Variants in GLIS3 observed in about 807,000 individuals in gnomAD.
The protein encoded by GLIS3 is GLIS family zinc finger 3, also known as zinc finger protein GLIS3.
Under a neutral mutation model 78.6 loss-of-function variants are expected in GLIS3, and 53 were observed. That is an observed-to-expected ratio of 0.67 (90% CI 0.54 to 0.85). GLIS3 has a LOEUF of 0.85. GLIS3 is among the 40% of genes least tolerant of loss of function. The pLI, the probability that GLIS3 is intolerant of heterozygous loss-of-function variation, is 0.00. For missense variants in GLIS3, 1,703 were observed against 1,231.1 expected (o/e 1.38, Z -5.74); for synonymous variants, 684 against 509.9 (o/e 1.34, Z -4.60).
the GLIS3 span, among the ~76,000 whole-genome samples, chr9:4,474,887 A>G: frequency 6.6e-6 from 1 of 151,584 alleles, no homozygotes; most frequent in Admixed American, 6.6e-5. Context: ...GTTTTTACAG[A>G]GACGGGGGCT....
chr9:3,898,319 T>C (rs1823015861), intron 7 of GLIS3: 4 of 310,554 alleles, frequency 1.3e-5, no homozygotes, highest in East Asian at 1.6e-4. Context: ...AACATAAAGA[T>C]GACAACAACT....
chr9:4,272,018 C>A (rs1270751053), intron 2 of GLIS3, among the ~76,000 whole-genome samples: 1 of 152,158 alleles, frequency 6.6e-6, no homozygotes, highest in Non-Finnish European at 1.5e-5. Context: ...GAGCTCCAGG[C>A]CATCACAGAA....
the GLIS3 span, among the ~76,000 whole-genome samples, chr9:4,387,169 AAAAC>A: frequency 1.3e-5 from 2 of 152,208 alleles, no homozygotes. Flanking sequence ...CAGCAGGAAA[AAAAC>A]AAAACCTGGA....
At chr9:4,240,799 C>G (rs981909850) in intron 2 of GLIS3, among the ~76,000 whole-genome samples, 1 of 152,028 alleles carries the variant, frequency 6.6e-6, no homozygotes. Flanking sequence ...ACAACAAACC[C>G]TCATGATATA....
Position 3,829,342 on chromosome 9 carries a change from T to C in GLIS3, c.2624A>G (p.His875Arg). The change falls in exon 10 of 11, where the codon CAC becomes CGC. Residue 875 changes from histidine to arginine, a missense_variant. Physicochemically the swap from His to Arg is conservative, Grantham distance 29 (BLOSUM62 0). Transcript: ENST00000381971. ...GCCCGAGTGAGTCGAGAAGGCTCTG[T>C]GGAAAACATCAAAACTGGCCTGGCC... The part of the protein sequence containing the change: ...SMGQASFDVF[H>R]RAFSTHSGIT... 6.2e-7 allele frequency: 1 copy of C among 1,614,010 alleles called. No individual in the cohort carries two copies. The highest frequency in any genetic ancestry group is 8.5e-7 in the Non-Finnish European group (1 of 1,179,974).
At chr9:3,984,144 A>C (rs577693435) in intron 4 of GLIS3, among the ~76,000 whole-genome samples, 2 of 152,288 alleles carry the variant, frequency 1.3e-5, no homozygotes, top group South Asian at 4.1e-4. Flanking sequence ...GAGCCCCCAC[A>C]CAAAGTCCCT....
chr9:3,996,650 TGAAATAG>T (rs2129859431), intron 4 of GLIS3, among the ~76,000 whole-genome samples: 1 of 152,032 alleles, frequency 6.6e-6, no homozygotes, highest in East Asian at 1.9e-4. Context: ...AAAACTAACC[TGAAATAG>T]TAGAAGGAAG....
chr9:4,184,580 A>G (rs953406988), intron 2 of GLIS3, among the ~76,000 whole-genome samples: 10 of 152,184 alleles, frequency 6.6e-5, no homozygotes, highest in African/African-American at 2.4e-4. Context: ...AGCATGATCA[A>G]TGTGTTTGCT....
In GLIS3 at chr9:4,118,007, C is replaced by T. The variant is rs562740663; in HGVS notation, c.1471G>A (p.Gly491Arg). The change falls in exon 4 of 11, where the codon GGG (glycine) becomes AGG (arginine). Residue 491 changes from glycine (G) to arginine (R), a missense_variant. Transcript: ENST00000381971. This position sits in a 1 kb window ranked among gnomAD's most constrained non-coding sequence, Gnocchi z 4.7. ...TTGCCCCCGATGCCGTCCATCTCCC[C>T]GTCGTCGTCCAGGGTGGCCTGGGGC... ...ALPQATLDDD[G>R]EMDGIGGKHC... 113 of 1,607,928 alleles carry T rather than the reference C, an allele frequency of 7.0e-5. 3 individuals carry two copies. In the South Asian group the frequency reaches 1.2e-3, roughly 17 times the overall value.
intron 4 of GLIS3, among the ~76,000 whole-genome samples, chr9:4,093,988 C>G (rs543987269): frequency 2.2e-4 from 33 of 152,288 alleles, no homozygotes; most frequent in African/African-American, 7.2e-4. Context: ...AAGAGTGATT[C>G]ATTGCTTTTT....
chr9:4,439,189 T>A, the GLIS3 span, among the ~76,000 whole-genome samples: 2 of 152,166 alleles, frequency 1.3e-5, no homozygotes, highest in African/African-American at 4.8e-5. Flanking sequence ...GTATAAAATT[T>A]TTGTATTCCA....
chr9:3,969,878 C>T (rs1442924511), intron 4 of GLIS3, among the ~76,000 whole-genome samples: 4 of 152,162 alleles, frequency 2.6e-5, no homozygotes, highest in Admixed American at 1.3e-4. Context: ...AGTATACTTT[C>T]AGGGAAGGAA....
At chr9:4,437,030 T>G in the GLIS3 span, among the ~76,000 whole-genome samples, 1 of 151,952 alleles carries the variant, frequency 6.6e-6, no homozygotes, top group Non-Finnish European at 1.5e-5. Flanking sequence ...TATCTTGAGC[T>G]GGAGAAGAGG....
At chr9:3,923,364 C>G (rs1485742297) in intron 6 of GLIS3, among the ~76,000 whole-genome samples, 1 of 152,112 alleles carries the variant, frequency 6.6e-6, no homozygotes, top group Non-Finnish European at 1.5e-5. Context: ...CTCACTGTGA[C>G]CCTTGCTGAC....
chr9:4,172,160 G>T (rs907558089), intron 2 of GLIS3, among the ~76,000 whole-genome samples: 2 of 152,148 alleles, frequency 1.3e-5, no homozygotes, highest in Non-Finnish European at 2.9e-5. Flanking sequence ...TTCAGGCTTG[G>T]AATAAATCCA....
At chr9:3,950,995 C>T (rs1339818839) in intron 4 of GLIS3, among the ~76,000 whole-genome samples, 2 of 152,304 alleles carry the variant, frequency 1.3e-5, no homozygotes, top group East Asian at 3.9e-4. Flanking sequence ...GACAAACTTA[C>T]AGAACAGACC....
chr9:4,086,734 C>T (rs546872313), intron 4 of GLIS3, among the ~76,000 whole-genome samples: 22 of 152,168 alleles, frequency 1.4e-4, no homozygotes, highest in Non-Finnish European at 3.2e-4. Context: ...CAGCATGTGC[C>T]GGGCACTGTG....
the GLIS3 span, among the ~76,000 whole-genome samples, chr9:4,439,373 A>G: frequency 1.8e-4 from 27 of 152,152 alleles, no homozygotes; most frequent in Non-Finnish European, 3.1e-4. Flanking sequence ...TCCTCATCCA[A>G]TAAACTCCAC....
chr9:4,242,676 C>G (rs1309245399), intron 2 of GLIS3, among the ~76,000 whole-genome samples: 1 of 152,164 alleles, frequency 6.6e-6, no homozygotes, highest in Non-Finnish European at 1.5e-5. Flanking sequence ...CCACTAACTG[C>G]ATGTGGCCAC....
Sources: allele counts gnomAD v4.1 joint callset (sites outside exome capture counted in the v4.1 genomes callset), GRCh38; gene constraint gnomAD v4.1.1; non-coding constraint Gnocchi (gnomAD v3.1); transcripts MANE v1.5; gene names NCBI Gene and HGNC (gene_info 2026-07-23, HGNC 2026-07-21).